Variants in PPEF1 observed in about 807,000 individuals in gnomAD.
The protein encoded by PPEF1 is protein phosphatase with EF-hand domain 1, also known as serine/threonine-protein phosphatase with EF-hands 1.
In PPEF1, 12 loss-of-function variants were observed where a neutral mutation model predicts 53.3. The ratio of observed to expected loss-of-function variants is 0.23; its 90% CI spans 0.14 to 0.36. PPEF1 has a LOEUF of 0.36. PPEF1 is among the 10% of genes least tolerant of loss of function. PPEF1 has a pLI of 1.00. For synonymous variants in PPEF1, 165 were observed against 176.7 expected (o/e 0.93, Z 0.52); for missense variants, 334 against 490.4 (o/e 0.68, Z 3.01).
intron 3 of PPEF1, among the ~76,000 whole-genome samples, chrX:18,687,590 T>G (rs989724170): frequency 1.8e-5 from 2 of 111,851 alleles, no homozygotes; most frequent in Non-Finnish European, 3.8e-5. Flanking sequence ...ACTTGGGAAA[T>G]GCAGGCCTCT....
chrX:18,774,693 C>T (rs2045931566), intron 6 of PPEF1, among the ~76,000 whole-genome samples: 1 of 112,237 alleles, frequency 8.9e-6, no homozygotes, highest in South Asian at 3.7e-4. Context: ...TTCTATCACC[C>T]TGAGAACTTA....
chrX:18,717,470 C>A (rs946322778), intron 1 of PPEF1, among the ~76,000 whole-genome samples: 2 of 110,116 alleles, frequency 1.8e-5, no homozygotes, highest in Admixed American at 9.9e-5. Context: ...CAGTTCCTCT[C>A]GTCTCTCTCC....
Position 18,818,131 on chromosome X carries a change from A to G in PPEF1, c.1487A>G (p.Asp496Gly). ...SDLTRAFQLQDHRKSGKLSVS... is the reference protein window; with the variant it reads ...SDLTRAFQLQGHRKSGKLSVS... ...CTTACTCGTGCTTTCCAACTTCAAG[A>G]CCACAGAAAATCAGGTAACAAATTT... Residue 496 changes from aspartate (D) to glycine (G), a missense_variant, in exon 13 of 16, where the codon GAC becomes GGC. Transcript: ENST00000470157. 8.4e-7 allele frequency: 1 copy of G among 1,188,236 alleles called. No homozygotes were observed. The highest frequency in any genetic ancestry group is 1.1e-6 in the Non-Finnish European group (1 of 876,538).
chrX:18,696,286 G>A (rs1929713343), intron 4 of PPEF1, among the ~76,000 whole-genome samples: 1 of 107,567 alleles, frequency 9.3e-6, no homozygotes, highest in South Asian at 4.1e-4. Context: ...CCAAGTAGCT[G>A]TGAGAACAGG....
intron 10 of PPEF1, among the ~76,000 whole-genome samples, chrX:18,794,453 A>G (rs1413872429): frequency 8.8e-6 from 1 of 113,051 alleles, no homozygotes; most frequent in Non-Finnish European, 1.9e-5. Flanking sequence ...CCACTGTGCC[A>G]TCGCACTGCA....
rs978091588 is a variant in PPEF1, at chrX:18,770,144, A to G, written c.558+8568A>G. Among the ~76,000 whole-genome samples the G allele has an allele frequency of 2.7e-5, 3 of 111,251 alleles. No individual in the cohort carries two copies. In the Admixed American group the frequency reaches 2.9e-4, roughly 11 times the overall value. On this transcript the variant is annotated intron_variant, in intron 6 of 15. Transcript: ENST00000470157. ...TTCGTTTACTGGAACTGGGTGAAGC[A>G]TGTTTTATGGCATGAGGTTTTGCTT...
At chrX:18,813,703 T>C (rs1232033863) in intron 12 of PPEF1, among the ~76,000 whole-genome samples, 1 of 111,883 alleles carries the variant, frequency 8.9e-6, no homozygotes. Context: ...TTTTTATAGA[T>C]GCCTCTCGTC....
intron 4 of PPEF1, among the ~76,000 whole-genome samples, chrX:18,756,487 T>C (rs1373077193): frequency 8.9e-6 from 1 of 112,148 alleles, no homozygotes; most frequent in Non-Finnish European, 1.9e-5. Flanking sequence ...GCCCTAAAAC[T>C]ACTTTTTTAA....
At chrX:18,709,215 C>G (rs1007005492) in intron 1 of PPEF1, among the ~76,000 whole-genome samples, 2 of 111,722 alleles carry the variant, frequency 1.8e-5, no homozygotes, top group African/African-American at 6.5e-5. Flanking sequence ...GAGACATTTC[C>G]AACACTCCAA....
At chrX:18,704,546 G>T (rs907848097), upstream of PPEF1, among the ~76,000 whole-genome samples, 3 of 110,572 alleles carry the variant, frequency 2.7e-5, no homozygotes, top group African/African-American at 9.9e-5. Flanking sequence ...GATGAACAGT[G>T]CCCCAATTTC....
chrX:18,760,576 A>C (rs1216566906), intron 5 of PPEF1, among the ~76,000 whole-genome samples: 2 of 110,575 alleles, frequency 1.8e-5, no homozygotes, highest in African/African-American at 3.3e-5. Flanking sequence ...GTGGGTGTAC[A>C]GAATAATCGC....
At chrX:18,761,604 C>G (rs767935952) in intron 6 of PPEF1, 28 bp downstream of exon 6, 1 of 1,134,997 alleles carries the variant, frequency 8.8e-7, no homozygotes, top group Non-Finnish European at 1.2e-6. Flanking sequence ...TAAATATTAA[C>G]ATTTTTCTTG....
At chrX:18,763,144 A>G (rs745419768) in intron 6 of PPEF1, among the ~76,000 whole-genome samples, 18 of 111,682 alleles carry the variant, frequency 1.6e-4, no homozygotes, top group Non-Finnish European at 3.0e-4. Context: ...CTGAGTCCTG[A>G]AGACCTTCCT....
At chrX:18,823,600 C>A (rs976644709) in intron 13 of PPEF1, among the ~76,000 whole-genome samples, 6 of 107,695 alleles carry the variant, frequency 5.6e-5, no homozygotes, top group African/African-American at 2.0e-4. Flanking sequence ...GCACTCCAGC[C>A]TGGGTGAAAA....
intron 6 of PPEF1, among the ~76,000 whole-genome samples, chrX:18,777,444 T>C (rs1175362546): frequency 8.9e-6 from 1 of 112,970 alleles, no homozygotes; most frequent in African/African-American, 3.2e-5. Flanking sequence ...AAAAGATTAA[T>C]ATTTCTAGAA....
intron 11 of PPEF1, among the ~76,000 whole-genome samples, chrX:18,805,415 C>T (rs770521188): frequency 5.3e-5 from 6 of 112,206 alleles, no homozygotes; most frequent in Admixed American, 9.5e-5. Flanking sequence ...ACTAACATTC[C>T]AAGATGAGTA....
intron 6 of PPEF1, among the ~76,000 whole-genome samples, chrX:18,763,097 C>A (rs774469834): frequency 1.8e-5 from 2 of 112,013 alleles, no homozygotes; most frequent in East Asian, 2.8e-4. Flanking sequence ...CATCTAAAGA[C>A]GTAAGTGATT....
rs771922161 is a variant in PPEF1 at position 18,739,400 on chromosome X, C to T, written c.235+5592C>T. On this transcript the variant is annotated intron_variant, in intron 3 of 15. Coordinates refer to ENST00000470157, the MANE Select transcript of PPEF1 (RefSeq NM_001377996.1). ...TCTGTTGGAATTTGCTGGAGGTCCACTCCAGACCCTGTTTGCCTGAGTATC... is the reference window on the plus strand; with the variant it reads ...TCTGTTGGAATTTGCTGGAGGTCCATTCCAGACCCTGTTTGCCTGAGTATC... 2.8e-4 allele frequency among the ~76,000 whole-genome samples: 32 copies of T among 112,484 alleles called. No homozygotes were observed. The East Asian group carries it at 8.4e-3, about 30-fold the overall frequency.
chrX:18,733,790 A>G lies in PPEF1; in HGVS notation c.217A>G (p.Ile73Val). 8.4e-7 allele frequency: 1 copy of G among 1,186,948 alleles called. No homozygotes were observed. The highest frequency in any genetic ancestry group is 1.1e-6 in the Non-Finnish European group (1 of 883,545). ...FSFMLENYTH[I>V]HKEELELRNQ... is the part of the protein sequence containing the mutation. ...CTTCATGTTGGAAAACTACACACAT[A>G]TACATAAGGAAGAGCTAGGTAAGTA... The change falls in exon 3 of 16, where the codon ATA becomes GTA. Residue 73 changes from isoleucine (I) to valine (V), a missense_variant. Ile to Val is a conservative substitution (Grantham distance 29). Coordinates refer to ENST00000470157, the MANE Select transcript of PPEF1 (RefSeq NM_001377996.1).
Sources: gnomAD v4.1 joint callset for allele counts (sites outside exome capture counted in the v4.1 genomes callset) on GRCh38, gnomAD v4.1.1 for gene constraint, MANE v1.5 for transcripts, NCBI Gene and HGNC (gene_info 2026-07-23, HGNC 2026-07-21) for gene names.